Variants in CCDC177 observed in about 807,000 individuals in gnomAD.
CCDC177 encodes coiled-coil domain containing 177.
Under a neutral mutation model 7.3 loss-of-function variants are expected in CCDC177, and 2 were observed. That is an observed-to-expected ratio of 0.28 (90% CI 0.11 to 0.87). The LOEUF (loss-of-function observed/expected upper bound fraction) is 0.87, where lower values mean the gene tolerates loss of function less well. Ranked by LOEUF, CCDC177 falls within the 40% of genes least tolerant of loss-of-function variation. The pLI is 0.61. For synonymous variants in CCDC177, 401 were observed against 449.2 expected (o/e 0.89, Z 1.36); for missense variants, 874 against 970.5 (o/e 0.90, Z 1.32).
At position 69,573,500 on chromosome 14, in the gene CCDC177, C is replaced by T. The variant is rs1460734482; in HGVS notation, c.123G>A (p.Ser41=). 8.2e-7 allele frequency: 1 copy of T among 1,221,438 alleles called. No individual in the cohort carries two copies. The highest frequency in any genetic ancestry group is 1.0e-6 in the Non-Finnish European group (1 of 979,390). The allele number at this position is 1,221,438 out of a possible 1,614,324, so 75.7% of individuals were successfully genotyped here. Residue 41 remains serine, a synonymous_variant, in exon 2 of 2, where the codon TCG becomes TCA. Transcript: ENST00000599174. ...CCGCCGCGGAGGCCGAGGCCGAGGC[C>T]GAGGAAGCTGCGGGCTCCTGTGCGC... ...SQGAQEPAAS[S]ASASASAAVP...
In CCDC177 at chr14:69,573,009, G is replaced by A. The variant is rs1436457963; in HGVS notation, c.614C>T (p.Ala205Val). 2.4e-6 allele frequency: 3 copies of A among 1,230,084 alleles called. No individual in the cohort carries two copies. Among genetic ancestry groups the A allele is most frequent in the Admixed American group, 4.2e-5 (1 of 23,608 alleles). The allele number at this position is 1,230,084 out of a possible 1,614,324, so 76.2% of individuals were successfully genotyped here. Residue 205 changes from alanine to valine, a missense_variant, in exon 2 of 2, where the codon GCC (alanine) becomes GTC (valine). Physicochemically the swap from Ala to Val is moderately conservative, Grantham distance 64. Transcript: ENST00000599174. The stretch of plus-strand genomic sequence containing the variant: ...GGAGGGACTAGGGGAAGCCTTGCGG[G>A]CCGCACGCGGCGCGGGCGAGGCCGG... Reference protein sequence around the residue: ...SLPASPAPRAARKASPSPSSA... With the variant: ...SLPASPAPRAVRKASPSPSSA...
In CCDC177 at chr14:69,573,584, C is replaced by T. The variant is rs1358707574; in HGVS notation, c.39G>A (p.Ala13=). The change falls in exon 2 of 2, where the codon GCG becomes GCA. Residue 13 remains alanine (A), a synonymous_variant. Coordinates refer to ENST00000599174, the MANE Select transcript of CCDC177 (RefSeq NM_001271507.2). ...CGTCCCCTCCAGAGTCGCCGGGTTC[C>T]GCTCCTGCCTTCTCTTCTTCAGGCA... ...DPVPEEEKAG[A]EPGDSGGDEA... 8 of 1,231,718 alleles carry T rather than the reference C, an allele frequency of 6.5e-6. No homozygotes were observed. The highest frequency in any genetic ancestry group is 8.1e-6 in the Non-Finnish European group (8 of 988,034). The allele number at this position is 1,231,718 out of a possible 1,614,324, so 76.3% of individuals were successfully genotyped here. A position where few individuals can be genotyped will look rare whatever the true frequency, so the allele number is the denominator to read the frequency against.
chr14:69,572,507 G>A lies in CCDC177; in HGVS notation c.1116C>T (p.His372=). ...CCTCGCGCTCCCGCCGCTGCTTGGC[G>A]TGCACGCGCTGCAGCTCCCACTGGC... The part of the protein sequence containing the change: ...AHGQWELQRV[H]AKQRREREER... Residue 372 remains histidine (H), a synonymous_variant, in exon 2 of 2, where the codon CAC becomes CAT. Coordinates refer to ENST00000599174, the MANE Select transcript of CCDC177 (RefSeq NM_001271507.2). The A allele has an allele frequency of 8.1e-7, 1 of 1,230,958 alleles. No homozygotes were observed. Among genetic ancestry groups the A allele is most frequent in the Non-Finnish European group, 1.0e-6 (1 of 987,444 alleles). 76.3% of individuals were successfully genotyped at this position (1,230,958 alleles called of 1,614,324 possible). A position where few individuals can be genotyped will look rare whatever the true frequency, so the allele number is the denominator to read the frequency against.
At position 69,572,690 on chromosome 14, in the gene CCDC177, C is replaced by T. The variant is rs1170922397; in HGVS notation, c.933G>A (p.Ser311=). 3.2e-6 allele frequency: 4 copies of T among 1,231,402 alleles called. No homozygotes were observed. The highest frequency in any genetic ancestry group is 4.0e-6 in the Non-Finnish European group (4 of 987,722). The allele number at this position is 1,231,402 out of a possible 1,614,324, so 76.3% of individuals were successfully genotyped here. A position where few individuals can be genotyped will look rare whatever the true frequency, so the allele number is the denominator to read the frequency against. ...GCTCCACGTGCTGAGCGGTCTGCGG[C>T]GAATGGCTCAGGTCGCCGAGGCTGA... The part of the protein sequence containing the change: ...RSFSLGDLSH[S]PQTAQHVERI... The change falls in exon 2 of 2, where the codon TCG becomes TCA. Residue 311 remains serine (S), a synonymous_variant. Transcript: ENST00000599174.
At position 69,572,271 on chromosome 14, in the gene CCDC177, C is replaced by G. The variant is rs1884341893; in HGVS notation, c.1352G>C (p.Arg451Pro). 1.6e-6 allele frequency: 2 copies of G among 1,228,960 alleles called. No homozygotes were observed. The highest frequency in any genetic ancestry group is 2.0e-6 in the Non-Finnish European group (2 of 986,290). The allele number at this position is 1,228,960 out of a possible 1,614,324, so 76.1% of individuals were successfully genotyped here. ...CTGCTCCTGCTGAAGCTTGCGCAGC[C>G]GATCCTCCCGGGCCGCGCGCTCCGC... ...ERAERAAREDRLRKLQQEQNL... is the reference protein window; with the variant it reads ...ERAERAAREDPLRKLQQEQNL... The change falls in exon 2 of 2, where the codon CGG becomes CCG. Residue 451 changes from arginine to proline, a missense_variant. By Grantham distance (103) the Arg-to-Pro change is moderately radical (BLOSUM62 -2). Transcript: ENST00000599174.
Position 69,570,693 on chromosome 14 carries a change from T to C in CCDC177, c.*806A>G. 1 of 392,820 alleles carries C rather than the reference T, an allele frequency of 2.5e-6. No homozygotes were observed. Among genetic ancestry groups the C allele is most frequent in the Non-Finnish European group, 5.0e-6 (1 of 201,056 alleles). The allele number at this position is 392,820 out of a possible 1,614,324, so 24.3% of individuals were successfully genotyped here. Reference sequence around the variant, plus strand: ...GGCCCCACCCTGCAAGGAAGCTTAATGGAATGGAACACTGCTCCCAAAGGA... The same window carrying C: ...GGCCCCACCCTGCAAGGAAGCTTAACGGAATGGAACACTGCTCCCAAAGGA... On this transcript the variant is annotated 3_prime_UTR_variant, in exon 2 of 2. Coordinates refer to ENST00000599174, the MANE Select transcript of CCDC177 (RefSeq NM_001271507.2).
Position 69,571,505 on chromosome 14 carries a change from G to A in CCDC177, c.2118C>T (p.Arg706=). The change falls in exon 2 of 2, where the codon CGC becomes CGT. Residue 706 remains arginine (R), a synonymous_variant. Transcript: ENST00000599174. ...REAQLHASLD[R]K Reference sequence around the variant, plus strand: ...GGCTGGCAAAGAGCCGCAGTTATTTGCGGTCCAGGCTGGCGTGTAGCTGGG... The same window carrying A: ...GGCTGGCAAAGAGCCGCAGTTATTTACGGTCCAGGCTGGCGTGTAGCTGGG... 8.0e-7 allele frequency: 1 copy of A among 1,247,634 alleles called. No individual in the cohort carries two copies. Among genetic ancestry groups the A allele is most frequent in the Non-Finnish European group, 1.0e-6 (1 of 996,226 alleles). 77.3% of individuals were successfully genotyped at this position (1,247,634 alleles called of 1,614,324 possible). A position where few individuals can be genotyped will look rare whatever the true frequency, so the allele number is the denominator to read the frequency against.
At position 69,572,620 on chromosome 14, in the gene CCDC177, G is replaced by C; in HGVS notation, c.1003C>G (p.Pro335Ala). Residue 335 changes from proline (P) to alanine (A), a missense_variant, in exon 2 of 2, where the codon CCG becomes GCG. Coordinates refer to ENST00000599174, the MANE Select transcript of CCDC177 (RefSeq NM_001271507.2). ...VRAERGLRGV[P>A]ERDRKIAALM... ...GCCGCGATCTTCCGGTCACGCTCCG[G>C]CACCCCGCGCAGGCCGCGCTCTGCA... 8.1e-7 allele frequency: 1 copy of C among 1,231,234 alleles called. No individual in the cohort carries two copies. The highest frequency in any genetic ancestry group is 4.1e-5 in the South Asian group (1 of 24,320). 76.3% of individuals were successfully genotyped at this position (1,231,234 alleles called of 1,614,324 possible). A position where few individuals can be genotyped will look rare whatever the true frequency, so the allele number is the denominator to read the frequency against.
rs1450004034 is a variant in CCDC177 at position 69,572,613 on chromosome 14, C to T, written c.1010G>A (p.Arg337His). ...CATGAGCGCCGCGATCTTCCGGTCA[C>T]GCTCCGGCACCCCGCGCAGGCCGCG... ...AERGLRGVPE[R>H]DRKIAALMLA... Residue 337 changes from arginine (R) to histidine (H), a missense_variant, in exon 2 of 2, where the codon CGT becomes CAT. Arg to His is a conservative substitution (Grantham distance 29). Coordinates refer to ENST00000599174, the MANE Select transcript of CCDC177 (RefSeq NM_001271507.2). 4 of 1,231,158 alleles carry T rather than the reference C, an allele frequency of 3.2e-6. No homozygotes were observed. The highest frequency in any genetic ancestry group is 1.6e-5 in the African/African-American group (1 of 64,410). 76.3% of individuals were successfully genotyped at this position (1,231,158 alleles called of 1,614,324 possible).
rs1884360063 is a variant in CCDC177 at position 69,572,826 on chromosome 14, G to A, written c.797C>T (p.Pro266Leu). The A allele has an allele frequency of 4.9e-6, 6 of 1,231,122 alleles. No homozygotes were observed. In the South Asian group the frequency reaches 1.6e-4, roughly 34 times the overall value. 76.3% of individuals were successfully genotyped at this position (1,231,122 alleles called of 1,614,324 possible). Residue 266 changes from proline to leucine, a missense_variant, in exon 2 of 2, where the codon CCG becomes CTG. By Grantham distance (98) the Pro-to-Leu change is moderately conservative. Coordinates refer to ENST00000599174, the MANE Select transcript of CCDC177 (RefSeq NM_001271507.2). ...SGESLRELRW[P>L]PRASARNSCP... Reference sequence around the variant, plus strand: ...GCTGTTCCTGGCCGAGGCCCGAGGCGGCCAGCGCAGCTCCCTCAAGCTTTC... The same window carrying A: ...GCTGTTCCTGGCCGAGGCCCGAGGCAGCCAGCGCAGCTCCCTCAAGCTTTC...
Position 69,570,645 on chromosome 14 carries a change from A to T in CCDC177, c.*854T>A. 2.7e-6 allele frequency: 1 copy of T among 366,632 alleles called. No homozygotes were observed. The highest frequency in any genetic ancestry group is 7.3e-5 in the East Asian group (1 of 13,752). The allele number at this position is 366,632 out of a possible 1,614,324, so 22.7% of individuals were successfully genotyped here. A position where few individuals can be genotyped will look rare whatever the true frequency, so the allele number is the denominator to read the frequency against. On this transcript the variant is annotated 3_prime_UTR_variant, in exon 2 of 2. Transcript: ENST00000599174. The stretch of plus-strand genomic sequence containing the variant: ...GTAAGGTAGCTCTGCTTCTTAAGGC[A>T]TGACTGCTGTCTTCATGGAGTGGGC...
chr14:69,573,415 G>T lies in CCDC177; in HGVS notation c.208C>A (p.Pro70Thr). The T allele has an allele frequency of 8.1e-7, 1 of 1,231,436 alleles. No individual in the cohort carries two copies. The highest frequency in any genetic ancestry group is 1.0e-6 in the Non-Finnish European group (1 of 987,784). 76.3% of individuals were successfully genotyped at this position (1,231,436 alleles called of 1,614,324 possible). The change falls in exon 2 of 2, where the codon CCG (proline) becomes ACG (threonine). Residue 70 changes from proline to threonine, a missense_variant. Physicochemically the swap from Pro to Thr is conservative, Grantham distance 38. Coordinates refer to ENST00000599174, the MANE Select transcript of CCDC177 (RefSeq NM_001271507.2). ...TTGAAGAGGTCGAGGTGCAGCAGCG[G>T]GGACTGCTCCCGCCGCCCGCCTTCT... is the stretch of plus-strand genomic sequence containing the variant. ...AAEGGRREQS[P>T]LLHLDLFNFD...
In CCDC177 at chr14:69,571,655, C is replaced by T. The variant is rs1884326737; in HGVS notation, c.1968G>A (p.Gln656=). The T allele has an allele frequency of 1.4e-5, 17 of 1,232,062 alleles. No homozygotes were observed. Among genetic ancestry groups the T allele is most frequent in the Non-Finnish European group, 1.7e-5 (17 of 988,318 alleles). The allele number at this position is 1,232,062 out of a possible 1,614,324, so 76.3% of individuals were successfully genotyped here. ...AIGRKLERSE[Q]LTRERRSALE... is the part of the protein sequence containing the mutation. The stretch of plus-strand genomic sequence containing the variant: ...GCGCACTGCGCCGTTCCCGCGTCAG[C>T]TGCTCGCTGCGCTCCAGCTTGCGCC... The change falls in exon 2 of 2, where the codon CAG becomes CAA. Residue 656 remains glutamine, a synonymous_variant. Coordinates refer to ENST00000599174, the MANE Select transcript of CCDC177 (RefSeq NM_001271507.2).
chr14:69,572,513 G>A lies in CCDC177; in HGVS notation c.1110C>T (p.Arg370=). ...AAAHGQWELQ[R]VHAKQRRERE... Reference sequence around the variant, plus strand: ...GCTCCCGCCGCTGCTTGGCGTGCACGCGCTGCAGCTCCCACTGGCCGTGGG... The same window carrying A: ...GCTCCCGCCGCTGCTTGGCGTGCACACGCTGCAGCTCCCACTGGCCGTGGG... Residue 370 remains arginine (R), a synonymous_variant, in exon 2 of 2, where the codon CGC becomes CGT. Transcript: ENST00000599174. The A allele has an allele frequency of 8.1e-7, 1 of 1,230,976 alleles. No individual in the cohort carries two copies. The highest frequency in any genetic ancestry group is 1.0e-6 in the Non-Finnish European group (1 of 987,466). 76.3% of individuals were successfully genotyped at this position (1,230,976 alleles called of 1,614,324 possible).
In CCDC177 at chr14:69,571,079, G is replaced by C. The variant is rs1351954623; in HGVS notation, c.*420C>G. On this transcript the variant is annotated 3_prime_UTR_variant, in exon 2 of 2. Coordinates refer to ENST00000599174, the MANE Select transcript of CCDC177 (RefSeq NM_001271507.2). ...CCAGGGTGATGTTCCCTCAGCAGTA[G>C]CAACACTGTCTCAGACACCAATGTC... is the stretch of plus-strand genomic sequence containing the variant. 1 of 473,886 alleles carries C rather than the reference G, an allele frequency of 2.1e-6. No individual in the cohort carries two copies. Among genetic ancestry groups the C allele is most frequent in the Non-Finnish European group, 4.2e-6 (1 of 239,250 alleles). 29.4% of individuals were successfully genotyped at this position (473,886 alleles called of 1,614,324 possible).
In CCDC177 at chr14:69,572,171, C is replaced by G; in HGVS notation, c.1452G>C (p.Gln484His). The G allele has an allele frequency of 8.1e-7, 1 of 1,229,770 alleles. No homozygotes were observed. The highest frequency in any genetic ancestry group is 1.0e-6 in the Non-Finnish European group (1 of 986,726). The allele number at this position is 1,229,770 out of a possible 1,614,324, so 76.2% of individuals were successfully genotyped here. A position where few individuals can be genotyped will look rare whatever the true frequency, so the allele number is the denominator to read the frequency against. ...GCCGCTGCTTGGCGCGGGCCGCGCG[C>G]TGGGCGCGCTCCCTGCGGATCTGCT... is the stretch of plus-strand genomic sequence containing the variant. ...RAEQIRRERA[Q>H]RAARAKQRQE... Residue 484 changes from glutamine (Q) to histidine (H), a missense_variant, in exon 2 of 2, where the codon CAG becomes CAC. Gln to His is a conservative substitution (Grantham distance 24, BLOSUM62 0). Coordinates refer to ENST00000599174, the MANE Select transcript of CCDC177 (RefSeq NM_001271507.2).
chr14:69,570,649 CT>C lies in CCDC177; in HGVS notation c.*849del, dbSNP rs1884302907. 2.7e-6 allele frequency: 1 copy of C among 368,630 alleles called. No homozygotes were observed. The highest frequency in any genetic ancestry group is 3.7e-5 in the Admixed American group (1 of 27,140). 22.8% of individuals were successfully genotyped at this position (368,630 alleles called of 1,614,324 possible). On this transcript the variant is annotated 3_prime_UTR_variant, in exon 2 of 2. Coordinates refer to ENST00000599174, the MANE Select transcript of CCDC177 (RefSeq NM_001271507.2). ...GGTAGCTCTGCTTCTTAAGGCATGA[CT>C]GCTGTCTTCATGGAGTGGGCCCCAC...
Position 69,572,126 on chromosome 14 carries a change from C to T in CCDC177, c.1497G>A (p.Arg499=), listed in dbSNP as rs1174950215. 4 of 1,231,234 alleles carry T rather than the reference C, an allele frequency of 3.2e-6. No homozygotes were observed. The highest frequency in any genetic ancestry group is 4.0e-6 in the Non-Finnish European group (4 of 987,712). The allele number at this position is 1,231,234 out of a possible 1,614,324, so 76.3% of individuals were successfully genotyped here. A position where few individuals can be genotyped will look rare whatever the true frequency, so the allele number is the denominator to read the frequency against. The change falls in exon 2 of 2, where the codon CGG becomes CGA. Residue 499 remains arginine, a synonymous_variant. Coordinates refer to ENST00000599174, the MANE Select transcript of CCDC177 (RefSeq NM_001271507.2). ...AKQRQEGQLQ[R]EKRELSRAER... ...CGGCCCGGCTCAGCTCCCGCTTCTCCCGCTGCAGCTGGCCCTCCTGCCGCT... is the reference window on the plus strand; with the variant it reads ...CGGCCCGGCTCAGCTCCCGCTTCTCTCGCTGCAGCTGGCCCTCCTGCCGCT...
rs1488495671 is a variant in CCDC177 at position 69,571,415 on chromosome 14, C to T, written c.*84G>A. 2 of 988,148 alleles carry T rather than the reference C, an allele frequency of 2.0e-6. No individual in the cohort carries two copies. The highest frequency in any genetic ancestry group is 1.6e-5 in the African/African-American group (1 of 61,204). The allele number at this position is 988,148 out of a possible 1,614,324, so 61.2% of individuals were successfully genotyped here. A position where few individuals can be genotyped will look rare whatever the true frequency, so the allele number is the denominator to read the frequency against. Reference sequence around the variant, plus strand: ...CTCGAGAGGCCACCGCGCTGCGCACCGAGCGGGGACTCCCACGATGGTCAG... The same window carrying T: ...CTCGAGAGGCCACCGCGCTGCGCACTGAGCGGGGACTCCCACGATGGTCAG... On this transcript the variant is annotated 3_prime_UTR_variant, in exon 2 of 2. Transcript: ENST00000599174.
Sources: allele counts gnomAD v4.1 joint callset, GRCh38; gene constraint gnomAD v4.1.1; transcripts MANE v1.5; gene names NCBI Gene and HGNC (gene_info 2026-07-23, HGNC 2026-07-21).